GNG7: variants seen among roughly 807,000 people sequenced by gnomAD.
GNG7 encodes guanine nucleotide-binding protein G(I)/G(S)/G(O) subunit gamma-7.
Under a neutral mutation model 4.0 loss-of-function variants are expected in GNG7, and 1 was observed. That is an observed-to-expected ratio of 0.25 (90% CI 0.09 to 1.18). GNG7 has a LOEUF of 1.18. Among genes scored for constraint, GNG7 ranks in the 50% most tolerant of loss-of-function variants. GNG7 has a pLI of 0.50. For synonymous variants in GNG7, 34 were observed against 36.9 expected, an observed-to-expected ratio of 0.92 and a Z score of 0.29; for missense variants, 86 against 91.9, an observed-to-expected ratio of 0.94 and a Z score of 0.26.
At chr19:2,543,007 G>T (rs2144749458) in intron 3 of GNG7, among the ~76,000 whole-genome samples, 1 of 151,132 alleles carries the variant, frequency 6.6e-6, no homozygotes, top group South Asian at 2.1e-4. Flanking sequence ...CCGCCTCCCA[G>T]GTTCAAGTGA....
intron 1 of GNG7, among the ~76,000 whole-genome samples, chr19:2,676,438 G>A (rs909910073): frequency 6.6e-6 from 1 of 152,030 alleles, no homozygotes; most frequent in African/African-American, 2.4e-5. Context: ...AACCCTCAGC[G>A]ATATATCTCT....
rs140304157 is a variant in GNG7, at chr19:2,675,750, A to G, written c.-135+26896T>C. On this transcript the variant is annotated intron_variant, in intron 1 of 4. Coordinates refer to ENST00000382159, the MANE Select transcript of GNG7 (RefSeq NM_052847.3). ...TTCACGATTGGGGGGAGCTCCTGGT[A>G]TGGAGTGGGTGGAGGCCAGGGACAC... Among the ~76,000 whole-genome samples, 1,361 of 152,256 alleles carry G rather than the reference A, an allele frequency of 8.9e-3. 9 individuals carry two copies. The highest frequency in any genetic ancestry group is 0.013 in the Non-Finnish European group (911 of 68,010).
intron 1 of GNG7, among the ~76,000 whole-genome samples, chr19:2,668,744 G>A (rs544861103): frequency 6.6e-6 from 1 of 152,262 alleles, no homozygotes; most frequent in East Asian, 1.9e-4. Flanking sequence ...CTGATAATAT[G>A]CCGTGACATC....
chr19:2,561,773 C>T (rs185979046), intron 2 of GNG7, among the ~76,000 whole-genome samples: 63 of 151,548 alleles, frequency 4.2e-4, no homozygotes, highest in African/African-American at 1.3e-3. Flanking sequence ...CCCAGCTACT[C>T]GGGAGGCTGA....
intron 2 of GNG7, chr19:2,643,968 A>T: frequency 4.5e-6 from 1 of 223,124 alleles, no homozygotes; most frequent in Non-Finnish European, 9.1e-6. Context: ...TTGGCTTCAT[A>T]AATAAATATT....
At chr19:2,559,825 T>C (rs769158867) in intron 2 of GNG7, among the ~76,000 whole-genome samples, 14 of 152,204 alleles carry the variant, frequency 9.2e-5, no homozygotes, top group Non-Finnish European at 1.8e-4. Context: ...AGGTGTCTTC[T>C]TGAATGCCTA....
At chr19:2,560,012 C>T (rs75615712) in intron 2 of GNG7, among the ~76,000 whole-genome samples, 8 of 152,018 alleles carry the variant, frequency 5.3e-5, no homozygotes, top group Middle Eastern at 3.2e-3. Flanking sequence ...ACGCAAACCC[C>T]GAGGCTCTCG....
At chr19:2,649,778 T>C (rs1982762258) in intron 1 of GNG7, among the ~76,000 whole-genome samples, 1 of 152,120 alleles carries the variant, frequency 6.6e-6, no homozygotes, top group Non-Finnish European at 1.5e-5. Context: ...TTGTTTTCAG[T>C]ATATTTGCAA....
chr19:2,633,479 GCGCGCGCGCACA>G lies in GNG7; in HGVS notation c.-78+12733_-78+12744del, dbSNP rs1157754901. On this transcript the variant is annotated intron_variant, in intron 2 of 4. Transcript: ENST00000382159. The surrounding 1 kb of genome is among the most constrained non-coding windows in gnomAD (Gnocchi z 5.9). Reference sequence around the variant, plus strand: ...CGGTTGCTTAGCAACAGGCGCGCGCGCGCGCGCGCACACACACACACACACACACACACACAC... The same window carrying G: ...CGGTTGCTTAGCAACAGGCGCGCGCGCACACACACACACACACACACACAC... Among the ~76,000 whole-genome samples, 60 of 73,370 alleles carry G rather than the reference GCGCGCGCGCACA, an allele frequency of 8.2e-4. No homozygotes were observed. The highest frequency in any genetic ancestry group is 2.9e-3 in the African/African-American group (55 of 18,998). 48.1% of individuals were successfully genotyped at this position (73,370 alleles called of 152,430 possible). A position where few individuals can be genotyped will look rare whatever the true frequency, so the allele number is the denominator to read the frequency against.
rs1254434128 is a variant in GNG7 at position 2,626,032 on chromosome 19, C to T, written c.-78+20192G>A. 6.6e-6 allele frequency among the ~76,000 whole-genome samples: 1 copy of T among 152,190 alleles called. No homozygotes were observed. Among genetic ancestry groups the T allele is most frequent in the Non-Finnish European group, 1.5e-5 (1 of 68,022 alleles). ...CGAACTCCTGACCTCAGGTGATCCACCCGCCTCGGCCTCCCAAAGTGCTGG... is the reference window on the plus strand; with the variant it reads ...CGAACTCCTGACCTCAGGTGATCCATCCGCCTCGGCCTCCCAAAGTGCTGG... On this transcript the variant is annotated intron_variant, in intron 2 of 4. Coordinates refer to ENST00000382159, the MANE Select transcript of GNG7 (RefSeq NM_052847.3). The surrounding 1 kb of genome is among the most constrained non-coding windows in gnomAD (Gnocchi z 5.0).
intron 1 of GNG7, among the ~76,000 whole-genome samples, chr19:2,648,143 T>C (rs1327890256): frequency 6.6e-6 from 1 of 151,284 alleles, no homozygotes; most frequent in Non-Finnish European, 1.5e-5. Flanking sequence ...ATTTAGCTTA[T>C]AGAAATGTAC....
chr19:2,548,683 G>A (rs1451689371), intron 3 of GNG7, among the ~76,000 whole-genome samples: 1 of 152,054 alleles, frequency 6.6e-6, no homozygotes, highest in Non-Finnish European at 1.5e-5. Flanking sequence ...CAGCTACTCG[G>A]GAGGCTGAGG....
intron 2 of GNG7, among the ~76,000 whole-genome samples, chr19:2,568,463 C>CAT (rs1319575785): frequency 1.3e-5 from 2 of 151,082 alleles, no homozygotes; most frequent in Non-Finnish European, 1.5e-5. Context: ...TACATACACA[C>CAT]ACACATGCAC....
chr19:2,519,361 G>A (rs1978296680), intron 4 of GNG7, among the ~76,000 whole-genome samples: 1 of 151,252 alleles, frequency 6.6e-6, no homozygotes, highest in South Asian at 2.1e-4. Flanking sequence ...TCACCATGTT[G>A]GCCAGGCTGG....
At chr19:2,681,868 G>T (rs1223132594) in intron 1 of GNG7, among the ~76,000 whole-genome samples, 1 of 152,166 alleles carries the variant, frequency 6.6e-6, no homozygotes, top group African/African-American at 2.4e-5. Context: ...TTTCCCTGAG[G>T]ACTGATGCGG....
At chr19:2,584,739 G>A (rs1980601852) in intron 2 of GNG7, among the ~76,000 whole-genome samples, 1 of 59,794 alleles carries the variant, frequency 1.7e-5, no homozygotes. Context: ...AAGGAAGGAA[G>A]GAGGGAGGGA....
intron 2 of GNG7, among the ~76,000 whole-genome samples, chr19:2,593,178 G>A (rs73526815): frequency 0.049 from 7,420 of 152,212 alleles, 593 homozygotes; most frequent in African/African-American, 0.17. Context: ...ACAGGGCACC[G>A]GGTGGTGAGA....
At chr19:2,548,497 A>AAC (rs1555692753) in intron 3 of GNG7, among the ~76,000 whole-genome samples, 3 of 147,098 alleles carry the variant, frequency 2.0e-5, no homozygotes, top group African/African-American at 7.7e-5. Flanking sequence ...AAAAAAAAAA[A>AAC]AAAAAACCTA....
At chr19:2,645,605 AC>A (rs1982644159) in intron 2 of GNG7, among the ~76,000 whole-genome samples, 1 of 151,908 alleles carries the variant, frequency 6.6e-6, no homozygotes, top group African/African-American at 2.4e-5. Context: ...GGTTGCGGTC[AC>A]CCCGACCCGA....
Sources: allele counts gnomAD v4.1 joint callset (sites outside exome capture counted in the v4.1 genomes callset), GRCh38; gene constraint gnomAD v4.1.1; non-coding constraint Gnocchi (gnomAD v3.1); transcripts MANE v1.5; gene names NCBI Gene and HGNC (gene_info 2026-07-23, HGNC 2026-07-21).